Variants in TET3 observed in about 807,000 individuals in gnomAD.
The protein encoded by TET3 is methylcytosine dioxygenase TET3.
A neutral mutation model predicts 141.4 loss-of-function variants in TET3; 19 were observed. That is an observed-to-expected ratio of 0.13 (90% CI 0.09 to 0.20). The LOEUF (loss-of-function observed/expected upper bound fraction) is 0.20. Among genes scored for constraint, TET3 ranks in the 10% least tolerant of loss-of-function variants. TET3 has a pLI of 1.00. For synonymous variants in TET3, 1,043 were observed against 980.9 expected (o/e 1.06, Z -1.18); for missense variants, 1,874 against 2,356.9 (o/e 0.80, Z 4.24).
At chr2:74,039,640 A>C (rs561930947) in intron 3 of TET3, among the ~76,000 whole-genome samples, 7 of 152,312 alleles carry the variant, frequency 4.6e-5, no homozygotes, top group African/African-American at 1.7e-4. Context: ...GGTAGCTTCT[A>C]TATGTTCCTT....
In TET3 at chr2:74,102,408, G is replaced by A. The variant is rs1310043171; in HGVS notation, c.*232G>A. 3 of 491,244 alleles carry A rather than the reference G, an allele frequency of 6.1e-6. No individual in the cohort carries two copies. Among genetic ancestry groups the A allele is most frequent in the African/African-American group, 4.0e-5 (2 of 50,072 alleles). The allele number at this position is 491,244 out of a possible 1,614,324, so 30.4% of individuals were successfully genotyped here. A position where few individuals can be genotyped will look rare whatever the true frequency, so the allele number is the denominator to read the frequency against. On this transcript the variant is annotated 3_prime_UTR_variant, in exon 12 of 12. Transcript: ENST00000409262. ...TTGAAGAAGAAACTACGGCTGTCGG[G>A]TGATTTTTCCGTGATCTTAATATTT...
At chr2:73,991,805 C>CA (rs772400180) in intron 2 of TET3, among the ~76,000 whole-genome samples, 2,501 of 79,266 alleles carry the variant, frequency 0.032, 123 homozygotes, top group African/African-American at 0.084. Flanking sequence ...AACTCTGTCT[C>CA]AAAAAAAAAA....
At chr2:74,120,692 C>G in the TET3 span, 1 of 152,250 alleles carries the variant, frequency 6.6e-6, no homozygotes, top group Non-Finnish European at 1.5e-5. Flanking sequence ...ACTCTGGGAT[C>G]AGTTTGACAA....
At chr2:73,991,825 A>G (rs1558691347) in intron 2 of TET3, among the ~76,000 whole-genome samples, 1 of 151,450 alleles carries the variant, frequency 6.6e-6, no homozygotes, top group African/African-American at 2.4e-5. Context: ...AAAAAAAAAA[A>G]AAAGAAGGAA....
In TET3 at chr2:73,994,068, A is replaced by G. The variant is rs530291849; in HGVS notation, c.303+7362A>G. ...AGGGGCTAAGGAGGTTGGGGCAGTC[A>G]GGTACAGTGAGTCCCAGTAAGACTC... On this transcript the variant is annotated intron_variant, in intron 2 of 11. Transcript: ENST00000409262. 2.0e-5 allele frequency among the ~76,000 whole-genome samples: 3 copies of G among 152,310 alleles called. No homozygotes were observed. The South Asian group carries it at 6.2e-4, about 32-fold the overall frequency.
Position 74,093,454 on chromosome 2 carries a change from C to T in TET3, c.3130-75C>T. 6.7e-7 allele frequency: 1 copy of T among 1,481,740 alleles called. No individual in the cohort carries two copies. The highest frequency in any genetic ancestry group is 1.4e-5 in the South Asian group (1 of 71,220). The allele number at this position is 1,481,740 out of a possible 1,614,324, so 91.8% of individuals were successfully genotyped here. On this transcript the variant is annotated intron_variant, in intron 9 of 11. Coordinates refer to ENST00000409262, the MANE Select transcript of TET3 (RefSeq NM_001287491.2). This position sits in a 1 kb window ranked among gnomAD's most constrained non-coding sequence, Gnocchi z 4.2. ...TCCTTAACATCCCTCCTTCCAAGAC[C>T]TGGCCTCCCCAGGTGCAGAATCGGG...
chr2:74,125,933 C>A, the TET3 span, among the ~76,000 whole-genome samples: 3 of 152,106 alleles, frequency 2.0e-5, no homozygotes, highest in African/African-American at 7.2e-5. Context: ...TTTAAAATCT[C>A]AATTTTCTTT....
At chr2:73,998,958 A>G (rs1167040779) in intron 2 of TET3, among the ~76,000 whole-genome samples, 2 of 152,186 alleles carry the variant, frequency 1.3e-5, no homozygotes, top group Non-Finnish European at 2.9e-5. Context: ...GGAATGCAGG[A>G]CACACAGAGA....
upstream of TET3, among the ~76,000 whole-genome samples, chr2:73,984,818 G>C (rs867391730): frequency 2.4e-4 from 35 of 146,362 alleles, 1 homozygote; most frequent in African/African-American, 8.7e-4. The surrounding 1 kb of genome is among the most constrained non-coding windows in gnomAD (Gnocchi z 5.6). Context: ...GGGCCCGGCC[G>C]GGCCGGCGGG....
At chr2:74,007,469 G>A (rs1685207181) in intron 3 of TET3, among the ~76,000 whole-genome samples, 2 of 152,200 alleles carry the variant, frequency 1.3e-5, no homozygotes, top group Admixed American at 1.3e-4. Flanking sequence ...AGATGTTTCG[G>A]ATTTGAGATT....
Position 74,080,503 on chromosome 2 carries a change from G to C in TET3, c.2591G>C (p.Gly864Ala). The change falls in exon 6 of 12, where the codon GGA (glycine) becomes GCA (alanine). Residue 864 changes from glycine to alanine, a missense_variant. Coordinates refer to ENST00000409262, the MANE Select transcript of TET3 (RefSeq NM_001287491.2). ...SIRELMEERYGEKGKAIRIEK... is the reference protein window; with the variant it reads ...SIRELMEERYAEKGKAIRIEK... ...GCTTCTGTCTCCCTCTTCAGGTATG[G>C]AGAGAAGGGGAAAGCCATCCGGATC... 6.2e-7 allele frequency: 1 copy of C among 1,613,222 alleles called. No individual in the cohort carries two copies. Among genetic ancestry groups the C allele is most frequent in the Non-Finnish European group, 8.5e-7 (1 of 1,179,564 alleles).
In TET3 at chr2:74,070,760, G is replaced by A. The variant is rs528690283; in HGVS notation, c.2495-2789G>A. Among the ~76,000 whole-genome samples the A allele has an allele frequency of 3.3e-5, 5 of 152,244 alleles. No individual in the cohort carries two copies. In the South Asian group the frequency reaches 1.0e-3, roughly 32 times the overall value. ...AGGCCGAGGCAGGCAGATAGATTGAGCCCGGGAGTTGGAGACTAGCCTGGG... is the reference window on the plus strand; with the variant it reads ...AGGCCGAGGCAGGCAGATAGATTGAACCCGGGAGTTGGAGACTAGCCTGGG... On this transcript the variant is annotated intron_variant, in intron 4 of 11. Transcript: ENST00000409262.
rs145282634 is a variant in TET3, at chr2:74,033,772, C to T, written c.361-12506C>T. Reference sequence around the variant, plus strand: ...TGCCAAAAAATGCTAACAAAGTAAGCACATGCTATTGAAAATGACACCAGT... The same window carrying T: ...TGCCAAAAAATGCTAACAAAGTAAGTACATGCTATTGAAAATGACACCAGT... On this transcript the variant is annotated intron_variant, in intron 3 of 11. Coordinates refer to ENST00000409262, the MANE Select transcript of TET3 (RefSeq NM_001287491.2). Among the ~76,000 whole-genome samples, 486 of 152,292 alleles carry T rather than the reference C, an allele frequency of 3.2e-3. 2 individuals are homozygous for T. The highest frequency in any genetic ancestry group is 0.011 in the African/African-American group (451 of 41,564).
the TET3 span, among the ~76,000 whole-genome samples, chr2:74,115,539 C>A: frequency 1.1e-4 from 17 of 151,878 alleles, no homozygotes; most frequent in Non-Finnish European, 1.9e-4. Context: ...ATCCATGTAA[C>A]CAAAAACCAC....
chr2:74,013,876 T>C (rs746640785), intron 3 of TET3, among the ~76,000 whole-genome samples: 2 of 152,190 alleles, frequency 1.3e-5, no homozygotes, highest in Admixed American at 1.3e-4. Context: ...CTTTCTGATC[T>C]CCCCTCTACT....
rs184779256 is a variant in TET3, at chr2:74,035,926, A to G, written c.361-10352A>G. ...CCAGCTACTTGGGAGACTGAGGTACAAGAATCATTGAGCCCGGGAGGCAGA... is the reference window on the plus strand; with the variant it reads ...CCAGCTACTTGGGAGACTGAGGTACGAGAATCATTGAGCCCGGGAGGCAGA... On this transcript the variant is annotated intron_variant, in intron 3 of 11. Transcript: ENST00000409262. 3.2e-3 allele frequency among the ~76,000 whole-genome samples: 491 copies of G among 151,754 alleles called. 1 individual carries two copies. The highest frequency in any genetic ancestry group is 0.012 in the African/African-American group (478 of 41,320).
intron 3 of TET3, among the ~76,000 whole-genome samples, chr2:74,022,690 T>A (rs2105252771): frequency 6.6e-6 from 1 of 152,338 alleles, no homozygotes; most frequent in African/African-American, 2.4e-5. Context: ...CTCCACTTTA[T>A]CTTCTTCATC....
intron 2 of TET3, among the ~76,000 whole-genome samples, chr2:73,996,395 A>G (rs1162957514): frequency 6.6e-6 from 1 of 152,112 alleles, no homozygotes; most frequent in Admixed American, 6.5e-5. Flanking sequence ...GCCTCTGCCT[A>G]TGTCTGTGCA....
intron 3 of TET3, among the ~76,000 whole-genome samples, chr2:74,028,082 CAG>C (rs891083996): frequency 2.0e-5 from 3 of 151,712 alleles, no homozygotes; most frequent in Non-Finnish European, 1.5e-5. Flanking sequence ...CCCCTGGGCT[CAG>C]GGGATCCTCC....
Sources: gnomAD v4.1 joint callset for allele counts (sites outside exome capture counted in the v4.1 genomes callset) on GRCh38, gnomAD v4.1.1 for gene constraint, Gnocchi (gnomAD v3.1) non-coding constraint, MANE v1.5 for transcripts, NCBI Gene and HGNC (gene_info 2026-07-23, HGNC 2026-07-21) for gene names.